The following ECHDC1 variants were observed in gnomAD, a reference collection of about 807,000 sequenced individuals.
The protein encoded by ECHDC1 is ethylmalonyl-CoA decarboxylase 1, also known as ethylmalonyl-CoA decarboxylase.
ECHDC1 carries 29 observed loss-of-function variants against 29.7 expected under a neutral mutation model. That is an observed-to-expected ratio of 0.98 (90% CI 0.73 to 1.33). The LOEUF is 1.33. Ranked by LOEUF, ECHDC1 falls within the 40% of genes most tolerant of loss-of-function variation. The pLI is 0.00. For missense variants in ECHDC1, 328 were observed against 350.0 expected, an observed-to-expected ratio of 0.94 and a Z score of 0.50; for synonymous variants, 126 against 123.1, an observed-to-expected ratio of 1.02 and a Z score of -0.15.
chr6:127,325,505 A>G (rs777989863), intron 3 of ECHDC1, among the ~76,000 whole-genome samples: 3 of 152,168 alleles, frequency 2.0e-5, no homozygotes, highest in Non-Finnish European at 4.4e-5. Flanking sequence ...GAGTTTGTAG[A>G]TAAGTATACA....
rs1450774036 is a variant in ECHDC1, at chr6:127,330,842, G to A, written c.187C>T (p.Leu63=). ...KEDNGIGILT[L]NNPSRMNAFS... ...GCATTCATTCTACTTGGATTGTTCA[G>A]AGTAAGAATGCCAATGCCATTGTCT... Residue 63 remains leucine, a synonymous_variant, in exon 2 of 6, where the codon CTG becomes TTG. Coordinates refer to ENST00000454859, the MANE Select transcript of ECHDC1 (RefSeq NM_001002030.2). 6.2e-7 allele frequency: 1 copy of A among 1,613,838 alleles called. No homozygotes were observed. The highest frequency in any genetic ancestry group is 1.3e-5 in the African/African-American group (1 of 74,912).
chr6:127,330,724 T>C, intron 2 of ECHDC1, 85 bp downstream of exon 2: 1 of 1,163,122 alleles, frequency 8.6e-7, no homozygotes, highest in Non-Finnish European at 1.2e-6. Flanking sequence ...TTTAAAACAT[T>C]CTGTCACCAC....
intron 5 of ECHDC1, chr6:127,313,712 G>C (rs950570973): frequency 2.8e-6 from 1 of 360,900 alleles, no homozygotes; most frequent in African/African-American, 2.1e-5. Flanking sequence ...CCCAGAGACT[G>C]AAAAACATCC....
At chr6:127,336,443 A>G (rs1784432442) in intron 1 of ECHDC1, among the ~76,000 whole-genome samples, 1 of 152,116 alleles carries the variant, frequency 6.6e-6, no homozygotes, top group Non-Finnish European at 1.5e-5. Flanking sequence ...ATTACCCAAA[A>G]CTGCAGTCTG....
At chr6:127,307,005 A>G (rs111830239) in intron 5 of ECHDC1, among the ~76,000 whole-genome samples, 1 of 152,202 alleles carries the variant, frequency 6.6e-6, no homozygotes, top group Non-Finnish European at 1.5e-5. Context: ...CTACAAATCA[A>G]TAACAAGAGG....
At chr6:127,306,922 T>G (rs762421580) in intron 5 of ECHDC1, among the ~76,000 whole-genome samples, 26 of 152,238 alleles carry the variant, frequency 1.7e-4, no homozygotes, top group Non-Finnish European at 1.9e-4. Flanking sequence ...AGACCATATG[T>G]TTGGTCAAAA....
intron 5 of ECHDC1, among the ~76,000 whole-genome samples, chr6:127,299,508 A>G (rs1780889417): frequency 6.6e-6 from 1 of 151,950 alleles, no homozygotes; most frequent in African/African-American, 2.4e-5. Flanking sequence ...AGCTTATAGA[A>G]TAAGGATATA....
At chr6:127,318,659 T>G (rs1441172204) in intron 3 of ECHDC1, among the ~76,000 whole-genome samples, 1 of 152,208 alleles carries the variant, frequency 6.6e-6, no homozygotes, top group Non-Finnish European at 1.5e-5. Context: ...AGGTGGCATT[T>G]GCTAGGTCTA....
intron 1 of ECHDC1, among the ~76,000 whole-genome samples, chr6:127,338,221 A>G (rs1049196602): frequency 5.3e-5 from 8 of 152,210 alleles, no homozygotes; most frequent in African/African-American, 7.2e-5. Flanking sequence ...CTGAATTCCT[A>G]TTAGTGATCA....
At chr6:127,330,071 C>T (rs570519883) in intron 2 of ECHDC1, among the ~76,000 whole-genome samples, 1 of 152,256 alleles carries the variant, frequency 6.6e-6, no homozygotes, top group Admixed American at 6.5e-5. Flanking sequence ...AAGTGCATAA[C>T]TGAAAAGGAG....
intron 1 of ECHDC1, among the ~76,000 whole-genome samples, chr6:127,342,028 TTTGA>T (rs1396377061): frequency 1.3e-5 from 2 of 152,256 alleles, no homozygotes; most frequent in African/African-American, 4.8e-5. Flanking sequence ...CTGAAATCCT[TTTGA>T]TTTTTTCGCC....
chr6:127,309,912 T>C (rs909703791), intron 5 of ECHDC1, among the ~76,000 whole-genome samples: 1 of 152,154 alleles, frequency 6.6e-6, no homozygotes, highest in African/African-American at 2.4e-5. Context: ...GCACTTATCA[T>C]GAGAAGAGCA....
intron 5 of ECHDC1, among the ~76,000 whole-genome samples, chr6:127,292,577 AG>A (rs1308980695): frequency 2.0e-5 from 3 of 152,062 alleles, no homozygotes; most frequent in African/African-American, 7.2e-5. Flanking sequence ...GAACACAAGT[AG>A]TTTCCTCTAA....
chr6:127,338,356 C>T (rs1784616655), intron 1 of ECHDC1, among the ~76,000 whole-genome samples: 1 of 152,036 alleles, frequency 6.6e-6, no homozygotes, highest in Non-Finnish European at 1.5e-5. Context: ...AGCAAAGTAT[C>T]TCCTTTTATT....
chr6:127,325,186 G>A (rs1213800455), intron 3 of ECHDC1, among the ~76,000 whole-genome samples: 2 of 152,080 alleles, frequency 1.3e-5, no homozygotes, highest in Non-Finnish European at 2.9e-5. Context: ...AGCCTAATAT[G>A]AGAAAAACAC....
Position 127,290,065 on chromosome 6 carries a change from T to C in ECHDC1, c.710A>G (p.Glu237Gly). The change falls in exon 6 of 6, where the codon GAA (glutamate) becomes GGA (glycine). Residue 237 changes from glutamate (E) to glycine (G), a missense_variant. Glu to Gly is a moderately conservative substitution (Grantham distance 98). Coordinates refer to ENST00000454859, the MANE Select transcript of ECHDC1 (RefSeq NM_001002030.2). ...TTGCTTTAGCCATTCTTGTGCCTCT[T>C]CTAGAGATTTAGTTTCATCTGAAGA... ...LQSSDETKSLEEAQEWLKQFI... is the reference protein window; with the variant it reads ...LQSSDETKSLGEAQEWLKQFI... 5 of 1,613,694 alleles carry C rather than the reference T, an allele frequency of 3.1e-6. No homozygotes were observed. The highest frequency in any genetic ancestry group is 4.2e-6 in the Non-Finnish European group (5 of 1,179,736).
At chr6:127,320,245 G>A (rs1199381491) in intron 3 of ECHDC1, among the ~76,000 whole-genome samples, 1 of 152,152 alleles carries the variant, frequency 6.6e-6, no homozygotes, top group Non-Finnish European at 1.5e-5. Context: ...TCGAACTCCT[G>A]ACCTCAGGTG....
At chr6:127,322,069 G>A (rs1782871587) in intron 3 of ECHDC1, among the ~76,000 whole-genome samples, 1 of 152,112 alleles carries the variant, frequency 6.6e-6, no homozygotes, top group Non-Finnish European at 1.5e-5. Context: ...ACTTTGGGAA[G>A]CCGAGGAGGG....
At chr6:127,337,860 T>A (rs1784571089) in intron 1 of ECHDC1, among the ~76,000 whole-genome samples, 1 of 152,200 alleles carries the variant, frequency 6.6e-6, no homozygotes, top group Admixed American at 6.5e-5. Flanking sequence ...TCAAAGTCTA[T>A]GAGAAAAATA....
Sources: allele counts gnomAD v4.1 joint callset (sites outside exome capture counted in the v4.1 genomes callset), GRCh38; gene constraint gnomAD v4.1.1; transcripts MANE v1.5; gene names NCBI Gene and HGNC (gene_info 2026-07-23, HGNC 2026-07-21).